Variants in FHOD3 observed in about 807,000 individuals in gnomAD.
FHOD3 encodes FH1/FH2 domain-containing protein 3.
Under a neutral mutation model 173.0 loss-of-function variants are expected in FHOD3, and 90 were observed. That is an observed-to-expected ratio of 0.52 (90% CI 0.44 to 0.62). FHOD3 has a LOEUF of 0.62. FHOD3 is among the 20% of genes least tolerant of loss of function. The pLI is 0.00. For missense variants in FHOD3, 1,945 were observed against 2,034.7 expected (o/e 0.96, Z 0.85); for synonymous variants, 828 against 823.0 (o/e 1.01, Z -0.10).
At chr18:36,351,254 G>T (rs187723437) in intron 1 of FHOD3, among the ~76,000 whole-genome samples, 2 of 152,276 alleles carry the variant, frequency 1.3e-5, no homozygotes, top group East Asian at 3.9e-4. Context: ...TTCTTTTTCA[G>T]TTGAGGGACT....
intron 3 of FHOD3, among the ~76,000 whole-genome samples, chr18:36,442,397 A>AT (rs1469505678): frequency 2.0e-5 from 3 of 151,934 alleles, no homozygotes; most frequent in African/African-American, 7.3e-5. Flanking sequence ...ATAAATAGGT[A>AT]TTTTCTCTGA....
chr18:36,757,325 A>AT (rs1829675307), intron 25 of FHOD3, among the ~76,000 whole-genome samples: 1 of 152,230 alleles, frequency 6.6e-6, no homozygotes, highest in Admixed American at 6.5e-5. Context: ...CTGGAACATT[A>AT]GGATATTGTC....
chr18:36,553,981 G>T (rs1339711949), intron 5 of FHOD3, among the ~76,000 whole-genome samples: 1 of 152,162 alleles, frequency 6.6e-6, no homozygotes, highest in African/African-American at 2.4e-5. Flanking sequence ...AAAAAGTCAG[G>T]AAACAGTAGG....
At chr18:36,462,246 A>G (rs77291718) in intron 3 of FHOD3, among the ~76,000 whole-genome samples, 2,300 of 152,078 alleles carry the variant, frequency 0.015, 59 homozygotes, top group African/African-American at 0.052. Context: ...GCCAGTTTGA[A>G]TGCAAGTAGC....
chr18:36,585,125 T>G (rs1402477053), intron 6 of FHOD3, among the ~76,000 whole-genome samples: 1 of 152,264 alleles, frequency 6.6e-6, no homozygotes, highest in Admixed American at 6.5e-5. Context: ...ACTTTTCTCA[T>G]CTTGTTAATC....
At chr18:36,439,908 C>T (rs530126821) in intron 3 of FHOD3, among the ~76,000 whole-genome samples, 2 of 152,096 alleles carry the variant, frequency 1.3e-5, no homozygotes, top group Non-Finnish European at 2.9e-5. Flanking sequence ...TGATGCCCTC[C>T]CCATCCCCAC....
chr18:36,660,865 T>C (rs1328701299), intron 14 of FHOD3, among the ~76,000 whole-genome samples: 2 of 152,224 alleles, frequency 1.3e-5, no homozygotes, highest in Non-Finnish European at 2.9e-5. Context: ...CTCTCCTAAG[T>C]TCCTTTCCTT....
At chr18:36,368,642 A>G (rs938862244) in intron 2 of FHOD3, among the ~76,000 whole-genome samples, 6 of 152,228 alleles carry the variant, frequency 3.9e-5, no homozygotes, top group African/African-American at 1.4e-4. Flanking sequence ...ACTGCTATAA[A>G]GACATACCTG....
intron 9 of FHOD3, among the ~76,000 whole-genome samples, chr18:36,624,652 G>A (rs904914877): frequency 2.0e-5 from 3 of 151,008 alleles, no homozygotes; most frequent in Middle Eastern, 3.2e-3. Context: ...TGCAGAGGGC[G>A]CCACCTAGAC....
intron 18 of FHOD3, 66 bp downstream of exon 18, chr18:36,709,457 C>G: frequency 1.3e-6 from 2 of 1,518,756 alleles, no homozygotes; most frequent in African/African-American, 1.4e-5. Flanking sequence ...GGCTGGTTCT[C>G]TAAGAGCTTG....
At chr18:36,360,398 G>T (rs1444048962) in intron 2 of FHOD3, among the ~76,000 whole-genome samples, 1 of 152,220 alleles carries the variant, frequency 6.6e-6, no homozygotes. Flanking sequence ...TGGCTGTGAA[G>T]ATAGCTGCTG....
intron 5 of FHOD3, among the ~76,000 whole-genome samples, chr18:36,516,938 C>G (rs895790548): frequency 1.3e-5 from 2 of 151,864 alleles, no homozygotes; most frequent in African/African-American, 4.8e-5. Context: ...CCCAGATCTG[C>G]TTTTAGAACT....
chr18:36,703,104 A>C (rs528920711), intron 17 of FHOD3, among the ~76,000 whole-genome samples: 1 of 152,156 alleles, frequency 6.6e-6, no homozygotes, highest in Non-Finnish European at 1.5e-5. Context: ...CCCAGAGACT[A>C]GCGGTCGTGG....
At chr18:36,472,478 A>G (rs2053337471) in intron 3 of FHOD3, among the ~76,000 whole-genome samples, 1 of 152,180 alleles carries the variant, frequency 6.6e-6, no homozygotes, top group South Asian at 2.1e-4. Flanking sequence ...AGATTCACCA[A>G]ATTTTGCAGC....
intron 3 of FHOD3, among the ~76,000 whole-genome samples, chr18:36,402,591 C>T (rs563238890): frequency 3.9e-5 from 6 of 151,938 alleles, no homozygotes; most frequent in African/African-American, 1.4e-4. Flanking sequence ...CAAGGTCACA[C>T]AGCTAGCAAC....
At chr18:36,765,185 T>C (rs1345587996) in intron 27 of FHOD3, among the ~76,000 whole-genome samples, 1 of 152,186 alleles carries the variant, frequency 6.6e-6, no homozygotes, top group Non-Finnish European at 1.5e-5. Context: ...GAAGGAGATG[T>C]CCTGCAGTCT....
At chr18:36,483,438 T>C (rs544526155) in intron 3 of FHOD3, among the ~76,000 whole-genome samples, 2 of 152,296 alleles carry the variant, frequency 1.3e-5, no homozygotes, top group East Asian at 3.9e-4. Flanking sequence ...TCCCACCCAC[T>C]CTTTACTCTT....
intron 5 of FHOD3, among the ~76,000 whole-genome samples, chr18:36,541,952 C>T (rs2057239228): frequency 6.6e-6 from 1 of 152,138 alleles, no homozygotes; most frequent in African/African-American, 2.4e-5. Flanking sequence ...GTATACTAGC[C>T]CCAGGGAGAG....
chr18:36,569,039 G>A (rs866217276), intron 5 of FHOD3, among the ~76,000 whole-genome samples: 3 of 151,966 alleles, frequency 2.0e-5, no homozygotes, highest in Non-Finnish European at 4.4e-5. Flanking sequence ...ATTTAGAAAC[G>A]AAATTTACAA....
Sources: allele counts gnomAD v4.1 joint callset (sites outside exome capture counted in the v4.1 genomes callset), GRCh38; gene constraint gnomAD v4.1.1; transcripts MANE v1.5; gene names NCBI Gene and HGNC (gene_info 2026-07-23, HGNC 2026-07-21).